AOPEP: variants seen among roughly 807,000 people sequenced by gnomAD.
The protein encoded by AOPEP is aminopeptidase O (putative), also known as aminopeptidase O.
AOPEP carries 77 observed loss-of-function variants against 98.1 expected under a neutral mutation model. The observed-to-expected ratio is 0.78, with a 90% CI of 0.65 to 0.95. The LOEUF (loss-of-function observed/expected upper bound fraction) is 0.95. Ranked by LOEUF, AOPEP falls within the 40% of genes least tolerant of loss-of-function variation. The pLI is 0.00. For missense variants in AOPEP, 1,024 were observed against 1,024.7 expected, an observed-to-expected ratio of 1.00 and a Z score of 0.01; for synonymous variants, 346 against 365.3, an observed-to-expected ratio of 0.95 and a Z score of 0.60.
At chr9:95,030,559 G>A (rs2064207545) in intron 13 of AOPEP, among the ~76,000 whole-genome samples, 1 of 152,216 alleles carries the variant, frequency 6.6e-6, no homozygotes, top group East Asian at 1.9e-4. Context: ...TGAGCCTCAT[G>A]AAGGGATCGT....
the AOPEP span, chr9:95,100,893 G>A: frequency 4.3e-6 from 1 of 232,656 alleles, no homozygotes; most frequent in Middle Eastern, 1.3e-3. Flanking sequence ...GCCTCCCAAA[G>A]TGCTGGGATC....
chr9:94,805,192 C>T (rs533605840), intron 5 of AOPEP, among the ~76,000 whole-genome samples: 3 of 151,384 alleles, frequency 2.0e-5, no homozygotes, highest in Non-Finnish European at 2.9e-5. Flanking sequence ...TTCTTGGGAC[C>T]GTAGATACCT....
At chr9:94,778,345 T>G (rs1842608626) in intron 3 of AOPEP, among the ~76,000 whole-genome samples, 2 of 152,146 alleles carry the variant, frequency 1.3e-5, no homozygotes, top group South Asian at 4.2e-4. Flanking sequence ...AATACCTGAT[T>G]GTTCACAGCA....
the AOPEP span, chr9:95,126,968 G>A: frequency 3.8e-6 from 1 of 264,872 alleles, no homozygotes; most frequent in African/African-American, 2.2e-5. Context: ...CAAATGGCTA[G>A]ATGTGCCTCG....
chr9:94,994,811 TGTGGTG>T (rs2061120607), intron 11 of AOPEP, among the ~76,000 whole-genome samples: 1 of 151,942 alleles, frequency 6.6e-6, no homozygotes, highest in African/African-American at 2.4e-5. Flanking sequence ...ATTAGCCGGG[TGTGGTG>T]GTGTACACCT....
chr9:94,891,307 C>T (rs540320239), intron 5 of AOPEP, among the ~76,000 whole-genome samples: 1 of 152,234 alleles, frequency 6.6e-6, no homozygotes, highest in South Asian at 2.1e-4. Flanking sequence ...TTCAACCTAC[C>T]TATGTTGTTA....
At chr9:94,965,027 A>C (rs1212915796) in intron 9 of AOPEP, among the ~76,000 whole-genome samples, 1 of 152,218 alleles carries the variant, frequency 6.6e-6, no homozygotes, top group African/African-American at 2.4e-5. Context: ...TAAGATACTA[A>C]ATTTATAAAA....
At position 95,063,678 on chromosome 9, in the gene AOPEP, C is replaced by A. The variant is rs564694145; in HGVS notation, c.2232+2868C>A. Among the ~76,000 whole-genome samples, 56 of 152,246 alleles carry A rather than the reference C, an allele frequency of 3.7e-4. No individual in the cohort carries two copies. In the South Asian group the frequency reaches 0.01, roughly 28 times the overall value. ...AGTTTTCTGGGAGAATTTGGTAGCA[C>A]CCGTTCTTCCCTTCACTGTGTGGGG... On this transcript the variant is annotated intron_variant, in intron 14 of 16. Transcript: ENST00000375315.
At chr9:94,920,744 G>A (rs1017352993) in intron 5 of AOPEP, among the ~76,000 whole-genome samples, 3 of 152,180 alleles carry the variant, frequency 2.0e-5, no homozygotes, top group Non-Finnish European at 2.9e-5. Context: ...AATCTGGGTG[G>A]GTAGGTAGTG....
chr9:95,009,471 A>G (rs1191039411), intron 13 of AOPEP, among the ~76,000 whole-genome samples: 1 of 152,198 alleles, frequency 6.6e-6, no homozygotes, highest in Non-Finnish European at 1.5e-5. Flanking sequence ...TAGTCTATAT[A>G]TATAGTAAGC....
intron 13 of AOPEP, chr9:95,022,308 C>T (rs2133203255): frequency 6.6e-6 from 1 of 152,160 alleles, no homozygotes; most frequent in Middle Eastern, 3.4e-3. Context: ...TTTTTTTCCT[C>T]TGAAAAACTG....
intron 3 of AOPEP, among the ~76,000 whole-genome samples, chr9:94,792,528 G>A (rs1012169922): frequency 2.6e-5 from 4 of 152,044 alleles, no homozygotes; most frequent in African/African-American, 9.7e-5. Flanking sequence ...CACGTGAAGG[G>A]CTTCAAACTG....
chr9:95,005,447 G>C (rs2061932602), intron 12 of AOPEP, 95 bp from the exon 13 acceptor site: 1 of 1,257,014 alleles, frequency 8.0e-7, no homozygotes, highest in African/African-American at 1.5e-5. Context: ...GGGAAGACCA[G>C]GTCGCGAGGC....
At chr9:94,990,881 G>GC (rs1351235295) in intron 11 of AOPEP, among the ~76,000 whole-genome samples, 1 of 152,120 alleles carries the variant, frequency 6.6e-6, no homozygotes, top group African/African-American at 2.4e-5. Context: ...TCCTGCCTCA[G>GC]CCCCCCAAAG....
At chr9:95,110,031 G>A in the AOPEP span, among the ~76,000 whole-genome samples, 1 of 152,210 alleles carries the variant, frequency 6.6e-6, no homozygotes, top group Non-Finnish European at 1.5e-5. Context: ...GAACTGCCAG[G>A]CAGATGGGCA....
At chr9:95,126,641 C>T in the AOPEP span, 1 of 1,553,136 alleles carries the variant, frequency 6.4e-7, no homozygotes, top group Non-Finnish European at 8.9e-7. Flanking sequence ...CAGAAACTTG[C>T]TATTATCAGC....
At chr9:94,926,046 C>T (rs1315411188) in intron 6 of AOPEP, among the ~76,000 whole-genome samples, 1 of 152,206 alleles carries the variant, frequency 6.6e-6, no homozygotes, top group Non-Finnish European at 1.5e-5. Flanking sequence ...CCATCTCTTC[C>T]CTGGAGTGCC....
intron 13 of AOPEP, among the ~76,000 whole-genome samples, chr9:95,035,517 T>C (rs2064731837): frequency 7.5e-6 from 1 of 132,524 alleles, no homozygotes; most frequent in Non-Finnish European, 1.6e-5. Flanking sequence ...ATTTTTTTTT[T>C]TTTTTTTTTT....
intron 7 of AOPEP, among the ~76,000 whole-genome samples, chr9:94,953,700 C>A (rs1424316121): frequency 1.3e-5 from 2 of 152,226 alleles, no homozygotes; most frequent in Non-Finnish European, 2.9e-5. Context: ...TCTGCACCAC[C>A]ACACTACCTT....
Sources: allele counts gnomAD v4.1 joint callset (sites outside exome capture counted in the v4.1 genomes callset), GRCh38; gene constraint gnomAD v4.1.1; transcripts MANE v1.5; gene names NCBI Gene and HGNC (gene_info 2026-07-23, HGNC 2026-07-21).